The following GMDS variants were observed in gnomAD, a reference collection of about 807,000 sequenced individuals.
GMDS encodes GDP-mannose 4,6 dehydratase.
In GMDS, 20 loss-of-function variants were observed where a neutral mutation model predicts 49.9. The ratio of observed to expected loss-of-function variants is 0.40; its 90% CI spans 0.28 to 0.58. The LOEUF (loss-of-function observed/expected upper bound fraction) is 0.58, where lower values mean the gene tolerates loss of function less well. GMDS is among the 20% of genes least tolerant of loss of function. GMDS has a pLI of 0.42. For missense variants in GMDS, 362 were observed against 481.4 expected (o/e 0.75, Z 2.32); for synonymous variants, 177 against 178.6 (o/e 0.99, Z 0.07).
In GMDS at chr6:2,245,480, G is replaced by A; in HGVS notation, c.-58C>T. On this transcript the variant is annotated 5_prime_UTR_variant, in exon 1 of 11. Transcript: ENST00000380815. ...CGGAGCGCGGCAGAGGGCAGGCGCG[G>A]TGCCGGCAGGAACGCGGGGGTGTGC... 2.0e-6 allele frequency: 2 copies of A among 995,014 alleles called. No homozygotes were observed. Among genetic ancestry groups the A allele is most frequent in the South Asian group, 2.2e-5 (1 of 44,634 alleles). The allele number at this position is 995,014 out of a possible 1,614,324, so 61.6% of individuals were successfully genotyped here.
At chr6:1,964,826 C>T (rs887457182) in intron 4 of GMDS, among the ~76,000 whole-genome samples, 2 of 152,130 alleles carry the variant, frequency 1.3e-5, no homozygotes, top group Non-Finnish European at 2.9e-5. Context: ...TATCCCTCCC[C>T]CTACCCCACA....
At chr6:1,985,395 A>T (rs968300442) in intron 4 of GMDS, among the ~76,000 whole-genome samples, 1 of 145,610 alleles carries the variant, frequency 6.9e-6, no homozygotes, top group Admixed American at 6.8e-5. Flanking sequence ...ATTTTTTTTT[A>T]AAAAGAACAT....
At chr6:2,118,269 T>C (rs1159011934) in intron 2 of GMDS, among the ~76,000 whole-genome samples, 2 of 152,180 alleles carry the variant, frequency 1.3e-5, no homozygotes, top group Admixed American at 1.3e-4. Flanking sequence ...TATTTGTGTC[T>C]GACACACAGG....
intron 10 of GMDS, 90 bp downstream of exon 10, chr6:1,624,382 C>T (rs1327788369): frequency 1.5e-6 from 2 of 1,348,896 alleles, no homozygotes; most frequent in East Asian, 2.4e-5. Flanking sequence ...CTTTGGGCAT[C>T]GCAGGCGCCT....
At chr6:1,760,501 G>T (rs764165424) in intron 7 of GMDS, among the ~76,000 whole-genome samples, 13 of 152,282 alleles carry the variant, frequency 8.5e-5, no homozygotes, top group Non-Finnish European at 1.5e-4. Context: ...GTACACCAGA[G>T]GAGGAGGAGT....
chr6:1,929,808 A>T (rs891524245), intron 7 of GMDS, among the ~76,000 whole-genome samples: 1 of 152,234 alleles, frequency 6.6e-6, no homozygotes, highest in African/African-American at 2.4e-5. Flanking sequence ...AAAGAGGAGC[A>T]CCATTCAAAC....
chr6:1,732,865 A>T (rs1766866010), intron 8 of GMDS, among the ~76,000 whole-genome samples: 1 of 152,104 alleles, frequency 6.6e-6, no homozygotes, highest in Non-Finnish European at 1.5e-5. Context: ...CTGGACAAAA[A>T]CATCTAATAA....
intron 4 of GMDS, among the ~76,000 whole-genome samples, chr6:2,042,913 TA>T (rs1769771167): frequency 6.6e-6 from 1 of 152,234 alleles, no homozygotes; most frequent in African/African-American, 2.4e-5. Flanking sequence ...AATGTTTAGG[TA>T]AAGTGAAGAC....
At chr6:2,051,129 A>G (rs1770368953) in intron 4 of GMDS, among the ~76,000 whole-genome samples, 1 of 152,210 alleles carries the variant, frequency 6.6e-6, no homozygotes, top group African/African-American at 2.4e-5. Context: ...AAAAAAGGTT[A>G]GAGTGATGCA....
At chr6:1,996,046 G>C (rs546783956) in intron 4 of GMDS, among the ~76,000 whole-genome samples, 3 of 152,138 alleles carry the variant, frequency 2.0e-5, no homozygotes, top group South Asian at 4.2e-4. Context: ...CATGGCTTTG[G>C]GATAGCCTCT....
At chr6:2,079,745 C>T (rs1772561813) in intron 4 of GMDS, among the ~76,000 whole-genome samples, 1 of 151,994 alleles carries the variant, frequency 6.6e-6, no homozygotes, top group South Asian at 2.1e-4. Context: ...CTGTCTTTGA[C>T]TTTAGATAGT....
chr6:1,805,398 T>G (rs1770131991), intron 7 of GMDS, among the ~76,000 whole-genome samples: 1 of 152,242 alleles, frequency 6.6e-6, no homozygotes, highest in Non-Finnish European at 1.5e-5. Context: ...GGTATTCTGC[T>G]GTACTGCTCT....
intron 7 of GMDS, among the ~76,000 whole-genome samples, chr6:1,793,269 T>A (rs1180192386): frequency 2.0e-5 from 3 of 152,190 alleles, no homozygotes; most frequent in Non-Finnish European, 2.9e-5. Context: ...GTGAGGTACT[T>A]CTCTACTCCA....
At chr6:1,698,722 G>A (rs1177696995) in intron 9 of GMDS, among the ~76,000 whole-genome samples, 1 of 151,358 alleles carries the variant, frequency 6.6e-6, no homozygotes, top group African/African-American at 2.4e-5. Flanking sequence ...ACGTGTGCGC[G>A]ACCCTGGACA....
At chr6:2,034,942 C>A (rs1769200887) in intron 4 of GMDS, among the ~76,000 whole-genome samples, 1 of 152,094 alleles carries the variant, frequency 6.6e-6, no homozygotes, top group Non-Finnish European at 1.5e-5. Context: ...GAAACCCAGC[C>A]TGAGGATGGT....
At chr6:1,822,494 G>A (rs141945845) in intron 7 of GMDS, among the ~76,000 whole-genome samples, 20 of 152,240 alleles carry the variant, frequency 1.3e-4, no homozygotes, top group African/African-American at 3.9e-4. Flanking sequence ...AATTCCAAGA[G>A]TAGAAAGGAA....
At chr6:1,988,792 G>C (rs892805420) in intron 4 of GMDS, among the ~76,000 whole-genome samples, 2 of 151,914 alleles carry the variant, frequency 1.3e-5, no homozygotes, top group African/African-American at 2.4e-5. Context: ...GAAATATTTT[G>C]AATGTTTGTT....
Position 1,902,551 on chromosome 6 carries a change from T to C in GMDS, c.771+27552A>G, listed in dbSNP as rs547658302. Among the ~76,000 whole-genome samples the C allele has an allele frequency of 7.2e-5, 11 of 152,248 alleles. 1 individual carries two copies. In the South Asian group the frequency reaches 1.2e-3, roughly 17 times the overall value. On this transcript the variant is annotated intron_variant, in intron 7 of 10. Coordinates refer to ENST00000380815, the MANE Select transcript of GMDS (RefSeq NM_001500.4). ...AGAAATGTGTAGCACATCTGGAAAATAGGTGAAATTCCTGTTTCTGGGATA... is the reference window on the plus strand; with the variant it reads ...AGAAATGTGTAGCACATCTGGAAAACAGGTGAAATTCCTGTTTCTGGGATA...
chr6:1,715,368 T>A (rs1766137241), intron 9 of GMDS, among the ~76,000 whole-genome samples: 1 of 152,262 alleles, frequency 6.6e-6, no homozygotes, highest in South Asian at 2.1e-4. Context: ...CAGAGCTGGC[T>A]GTAAAGCATA....
Sources: allele counts gnomAD v4.1 joint callset (sites outside exome capture counted in the v4.1 genomes callset), GRCh38; gene constraint gnomAD v4.1.1; transcripts MANE v1.5; gene names NCBI Gene and HGNC (gene_info 2026-07-23, HGNC 2026-07-21).